CC2D2A: variants seen among roughly 807,000 people sequenced by gnomAD.
The protein encoded by CC2D2A is coiled-coil and C2 domain containing 2A.
Under a neutral mutation model 212.9 loss-of-function variants are expected in CC2D2A, and 155 were observed. The observed-to-expected ratio is 0.73, with a 90% confidence interval of 0.64 to 0.83. The LOEUF is 0.83. CC2D2A is among the 40% of genes least tolerant of loss of function. The pLI, the probability that CC2D2A is intolerant of heterozygous loss-of-function variation, is 0.00. For missense variants in CC2D2A, 1,856 were observed against 1,956.2 expected (o/e 0.95, Z 0.97); for synonymous variants, 667 against 686.5 (o/e 0.97, Z 0.44).
intron 13 of CC2D2A, among the ~76,000 whole-genome samples, chr4:15,529,301 G>C (rs1717685703): frequency 6.6e-6 from 1 of 152,058 alleles, no homozygotes; most frequent in East Asian, 1.9e-4. Flanking sequence ...AGGATCGCTT[G>C]AGCCCAAGAG....
intron 23 of CC2D2A, among the ~76,000 whole-genome samples, chr4:15,561,986 T>C (rs1403108039): frequency 6.6e-6 from 1 of 152,170 alleles, no homozygotes; most frequent in Non-Finnish European, 1.5e-5. Context: ...GGGTAAATAT[T>C]ATATGCGTAA....
chr4:15,565,919 T>C (rs550045686), intron 24 of CC2D2A, among the ~76,000 whole-genome samples: 1 of 152,224 alleles, frequency 6.6e-6, no homozygotes, highest in Admixed American at 6.5e-5. Flanking sequence ...GCCACAAGTG[T>C]TTGTTTAATA....
Position 15,601,371 on chromosome 4 carries a change from C to G in CC2D2A, c.4809C>G (p.Pro1603=), listed in dbSNP as rs367841700. Residue 1603 remains proline (P), a synonymous_variant, in exon 37 of 37, where the codon CCC becomes CCG. Transcript: ENST00000424120. ...TAGCTGTATACATACACCCATACCC[C>G]AAAAATGTTTTGTCTGTTTGGATCT... ...FALAVYIHPY[P]KNVLSVWIYV... is the part of the protein sequence containing the mutation. The G allele has an allele frequency of 3.8e-4, 600 of 1,583,370 alleles. No individual in the cohort carries two copies. The highest frequency in any genetic ancestry group is 5.0e-4 in the Non-Finnish European group (578 of 1,162,352).
intron 13 of CC2D2A, among the ~76,000 whole-genome samples, chr4:15,531,704 T>G (rs1717856901): frequency 6.6e-6 from 1 of 152,216 alleles, no homozygotes; most frequent in Non-Finnish European, 1.5e-5. Context: ...ATTTTCTGCT[T>G]CTTTAGCTCG....
intron 4 of CC2D2A, among the ~76,000 whole-genome samples, chr4:15,484,574 G>C (rs1167234911): frequency 6.6e-6 from 1 of 152,140 alleles, no homozygotes; most frequent in Non-Finnish European, 1.5e-5. Flanking sequence ...CTGGCGGGTA[G>C]TGGAAGGGGT....
chr4:15,532,434 T>A (rs1046556184), intron 13 of CC2D2A, among the ~76,000 whole-genome samples: 1 of 152,198 alleles, frequency 6.6e-6, no homozygotes, highest in Non-Finnish European at 1.5e-5. Context: ...CTCATGATAC[T>A]TTCTTAGACA....
intron 19 of CC2D2A, 71 bp downstream of exon 19, chr4:15,553,376 A>G (rs951431268): frequency 3.4e-6 from 5 of 1,491,028 alleles, no homozygotes; most frequent in Admixed American, 3.8e-5. Context: ...GGGGAAAGAA[A>G]GCTTGCAGTA....
chr4:15,556,341 C>A (rs768052603), intron 20 of CC2D2A, among the ~76,000 whole-genome samples: 4 of 152,092 alleles, frequency 2.6e-5, no homozygotes, highest in Non-Finnish European at 5.9e-5. Context: ...CCATAACAAA[C>A]CTTGGTTTAT....
At chr4:15,520,986 T>A (rs941580278) in intron 11 of CC2D2A, among the ~76,000 whole-genome samples, 1 of 152,156 alleles carries the variant, frequency 6.6e-6, no homozygotes, top group South Asian at 2.1e-4. Context: ...TTCCTTTCAA[T>A]ACTTTTGAGA....
chr4:15,537,109 C>A, intron 15 of CC2D2A, 33 bp downstream of exon 15: 1 of 1,606,004 alleles, frequency 6.2e-7, no homozygotes, highest in Non-Finnish European at 8.5e-7. Context: ...TGGAATAGGG[C>A]TGGCCAGGAA....
intron 17 of CC2D2A, among the ~76,000 whole-genome samples, chr4:15,545,418 C>G (rs142873303): frequency 3.9e-4 from 59 of 152,138 alleles, no homozygotes; most frequent in African/African-American, 1.3e-3. Flanking sequence ...AATTGGAAGC[C>G]ATGTATACAG....
intron 8 of CC2D2A, among the ~76,000 whole-genome samples, chr4:15,513,759 C>T (rs1716703514): frequency 6.6e-6 from 1 of 152,212 alleles, no homozygotes; most frequent in South Asian, 2.1e-4. Context: ...TACACACTGC[C>T]ATCTGGTGAT....
At chr4:15,502,260 T>C (rs1715994816) in intron 4 of CC2D2A, among the ~76,000 whole-genome samples, 169 bp from the exon 5 acceptor site, 1 of 152,240 alleles carries the variant, frequency 6.6e-6, no homozygotes, top group African/African-American at 2.4e-5. Flanking sequence ...CATGATCTCA[T>C]GTTTGCTTAT....
chr4:15,517,189 C>T lies in CC2D2A; in HGVS notation c.1149+433C>T, dbSNP rs527717427. ...GTCTCGATCTCCTGACCTCGTGATC[C>T]GCCCACCTCAGCCTCCCAAAGTGCT... On this transcript the variant is annotated intron_variant, in intron 11 of 36. Coordinates refer to ENST00000424120, the MANE Select transcript of CC2D2A (RefSeq NM_001378615.1). 1.1e-4 allele frequency among the ~76,000 whole-genome samples: 16 copies of T among 151,924 alleles called. No homozygotes were observed. In the East Asian group the frequency reaches 2.3e-3, roughly 22 times the overall value.
intron 13 of CC2D2A, among the ~76,000 whole-genome samples, chr4:15,530,116 C>T (rs372451948): frequency 6.6e-6 from 1 of 151,358 alleles, no homozygotes; most frequent in Non-Finnish European, 1.5e-5. Flanking sequence ...GGACTACAGG[C>T]GCCCGCCACT....
intron 1 of CC2D2A, among the ~76,000 whole-genome samples, chr4:15,475,156 C>G (rs1714101586): frequency 6.6e-6 from 1 of 152,286 alleles, no homozygotes; most frequent in South Asian, 2.1e-4. Context: ...CGCCTGTAAT[C>G]CCAGCTACTT....
In CC2D2A at chr4:15,538,156, C is replaced by T. The variant is rs17476642; in HGVS notation, c.2003+19C>T. ...GCCCCAGGTGAGTGGATGCTCCGAC[C>T]GTAAATGAGGCTGACATCTGATACA... On this transcript the variant is annotated intron_variant, in intron 16 of 36. Coordinates refer to ENST00000424120, the MANE Select transcript of CC2D2A (RefSeq NM_001378615.1). 0.12 allele frequency: 175,776 copies of T among 1,515,336 alleles called. 10,778 individuals are homozygous for T. The highest frequency in any genetic ancestry group is 0.13 in the Non-Finnish European group (142,456 of 1,127,986). The allele number at this position is 1,515,336 out of a possible 1,614,324, so 93.9% of individuals were successfully genotyped here.
At chr4:15,477,347 C>A (rs1399657443) in intron 2 of CC2D2A, among the ~76,000 whole-genome samples, 1 of 152,018 alleles carries the variant, frequency 6.6e-6, no homozygotes, top group East Asian at 1.9e-4. Context: ...ACCAACAAAC[C>A]CACATAAATT....
intron 1 of CC2D2A, among the ~76,000 whole-genome samples, chr4:15,475,225 G>A (rs1007497039): frequency 6.6e-6 from 1 of 152,226 alleles, no homozygotes; most frequent in Non-Finnish European, 1.5e-5. Flanking sequence ...AGTGAGCCGA[G>A]ATCGTGCCAC....
Sources: gnomAD v4.1 joint callset for allele counts (sites outside exome capture counted in the v4.1 genomes callset) on GRCh38, gnomAD v4.1.1 for gene constraint, MANE v1.5 for transcripts, NCBI Gene and HGNC (gene_info 2026-07-23, HGNC 2026-07-21) for gene names.